The following FSTL5 variants were observed in gnomAD, a reference collection of about 807,000 sequenced individuals.
FSTL5 encodes follistatin like 5.
A neutral mutation model predicts 89.1 loss-of-function variants in FSTL5; 62 were observed. The observed-to-expected ratio is 0.70, with a 90% confidence interval of 0.57 to 0.86. The LOEUF (loss-of-function observed/expected upper bound fraction) is 0.86. FSTL5 is among the 40% of genes least tolerant of loss of function. The pLI, the probability that FSTL5 is intolerant of heterozygous loss-of-function variation, is 0.00. For missense variants in FSTL5, 1,057 were observed against 1,001.6 expected, an observed-to-expected ratio of 1.06 and a Z score of -0.75; for synonymous variants, 383 against 346.2, an observed-to-expected ratio of 1.11 and a Z score of -1.18.
intron 1 of FSTL5, among the ~76,000 whole-genome samples, chr4:162,145,359 A>G (rs1732932263): frequency 6.6e-6 from 1 of 152,112 alleles, no homozygotes; most frequent in South Asian, 2.1e-4. Flanking sequence ...TCTATTTTCA[A>G]AATATCTATA....
chr4:161,557,967 C>T (rs1224108832), intron 8 of FSTL5, among the ~76,000 whole-genome samples: 2 of 151,618 alleles, frequency 1.3e-5, no homozygotes, highest in African/African-American at 4.8e-5. Context: ...GAGAATGTGT[C>T]CTTAGGAGAT....
chr4:162,030,779 T>C (rs999154771), intron 3 of FSTL5, among the ~76,000 whole-genome samples: 12 of 152,192 alleles, frequency 7.9e-5, no homozygotes, highest in Admixed American at 3.3e-4. Flanking sequence ...AAACCAATAA[T>C]TACTGAAATC....
chr4:161,998,857 AACACACACACACACAC>A (rs10585971), intron 3 of FSTL5, among the ~76,000 whole-genome samples: 12 of 146,474 alleles, frequency 8.2e-5, no homozygotes, highest in Admixed American at 1.4e-4. Context: ...ACACACACAC[AACACACACACACACAC>A]ACACACACAC....
At chr4:161,998,339 T>C (rs531569371) in intron 3 of FSTL5, among the ~76,000 whole-genome samples, 1 of 152,192 alleles carries the variant, frequency 6.6e-6, no homozygotes, top group East Asian at 1.9e-4. Flanking sequence ...CCCTTTGAAA[T>C]ATAACCATCA....
chr4:162,136,988 C>A (rs1237994879), intron 1 of FSTL5, among the ~76,000 whole-genome samples: 1 of 151,958 alleles, frequency 6.6e-6, no homozygotes, highest in Non-Finnish European at 1.5e-5. Flanking sequence ...TTGAAACAGG[C>A]TGTTATAAAT....
At position 161,423,506 on chromosome 4, in the gene FSTL5, T is replaced by C. The variant is rs529134139; in HGVS notation, c.1841+31498A>G. 8.5e-5 allele frequency among the ~76,000 whole-genome samples: 13 copies of C among 152,324 alleles called. No individual in the cohort carries two copies. In the South Asian group the frequency reaches 2.5e-3, roughly 29 times the overall value. ...TGGAATAATTCTCTGATAATTCTCT[T>C]ATGCATTCCAGTTTTCTTCATATCT... On this transcript the variant is annotated intron_variant, in intron 15 of 15. Transcript: ENST00000306100.
intron 4 of FSTL5, among the ~76,000 whole-genome samples, chr4:161,864,923 T>G (rs2126893965): frequency 6.6e-6 from 1 of 151,034 alleles, no homozygotes; most frequent in African/African-American, 2.4e-5. Context: ...AGTGCAATTC[T>G]GACTGTATTA....
At chr4:161,990,718 G>A (rs1334336030) in intron 3 of FSTL5, among the ~76,000 whole-genome samples, 2 of 151,974 alleles carry the variant, frequency 1.3e-5, no homozygotes, top group Admixed American at 6.6e-5. Context: ...GTATAATCTT[G>A]GTGGTTTTCG....
At chr4:162,023,042 C>T (rs2111163127) in intron 3 of FSTL5, 1 of 152,180 alleles carries the variant, frequency 6.6e-6, no homozygotes, top group South Asian at 2.1e-4. Context: ...GAAATCTGTG[C>T]CTGTAACGAA....
At chr4:162,116,314 T>C (rs1731634124) in intron 1 of FSTL5, among the ~76,000 whole-genome samples, 1 of 152,230 alleles carries the variant, frequency 6.6e-6, no homozygotes, top group Non-Finnish European at 1.5e-5. Context: ...TGAAGTAACG[T>C]GTGCCAAGGC....
At chr4:161,961,136 G>T (rs1296401686) in intron 3 of FSTL5, among the ~76,000 whole-genome samples, 3 of 151,868 alleles carry the variant, frequency 2.0e-5, no homozygotes, top group Non-Finnish European at 2.9e-5. Context: ...TTTTTAAAGA[G>T]ATGAGGGCTT....
chr4:161,652,303 C>T (rs1736369233), intron 7 of FSTL5, among the ~76,000 whole-genome samples: 1 of 152,074 alleles, frequency 6.6e-6, no homozygotes, highest in African/African-American at 2.4e-5. Context: ...GGTGCGGTGG[C>T]TCACATCTGT....
At chr4:161,768,751 A>C (rs927384203) in intron 5 of FSTL5, among the ~76,000 whole-genome samples, 1 of 151,858 alleles carries the variant, frequency 6.6e-6, no homozygotes, top group African/African-American at 2.4e-5. Context: ...TAAATAAACA[A>C]CCTAATAAAG....
chr4:161,403,193 C>T (rs1001520915), intron 15 of FSTL5, among the ~76,000 whole-genome samples: 2 of 152,142 alleles, frequency 1.3e-5, no homozygotes, highest in African/African-American at 4.8e-5. Context: ...AATACTTGAA[C>T]ACCATAAAAA....
At chr4:161,981,683 T>C (rs1264716055) in intron 3 of FSTL5, among the ~76,000 whole-genome samples, 1 of 152,234 alleles carries the variant, frequency 6.6e-6, no homozygotes, top group East Asian at 1.9e-4. Flanking sequence ...GTAGGTACTT[T>C]TTAAATGTAC....
rs748092347 is a variant in FSTL5, at chr4:161,386,291, G to T, written c.2000C>A (p.Pro667His). The T allele has an allele frequency of 6.8e-6, 11 of 1,613,988 alleles. No individual in the cohort carries two copies. Among genetic ancestry groups the T allele is most frequent in the Non-Finnish European group, 9.3e-6 (11 of 1,179,954 alleles). The change falls in exon 16 of 16, where the codon CCT becomes CAT. Residue 667 changes from proline (P) to histidine (H), a missense_variant. Pro to His is a moderately conservative substitution (Grantham distance 77). Coordinates refer to ENST00000306100, the MANE Select transcript of FSTL5 (RefSeq NM_020116.5). Reference sequence around the variant, plus strand: ...TGGGGAAACTGCTCCGGTGCTGTCAGGTTTGCAGCCAATGAAGTAGTAGCC... The same window carrying T: ...TGGGGAAACTGCTCCGGTGCTGTCATGTTTGCAGCCAATGAAGTAGTAGCC... ...LGGYYFIGCKPDSTGAVSPQV... is the reference protein window; with the variant it reads ...LGGYYFIGCKHDSTGAVSPQV...
intron 4 of FSTL5, among the ~76,000 whole-genome samples, chr4:161,836,368 T>C (rs1025766262): frequency 6.7e-6 from 1 of 150,018 alleles, no homozygotes; most frequent in East Asian, 2.0e-4. Flanking sequence ...GACGAGTTAA[T>C]GGGTGCAGCA....
intron 7 of FSTL5, among the ~76,000 whole-genome samples, chr4:161,622,105 ACACT>A (rs2126647174): frequency 6.6e-6 from 1 of 152,300 alleles, no homozygotes; most frequent in Non-Finnish European, 1.5e-5. Context: ...CATGGTATAA[ACACT>A]CAGATCAATA....
At chr4:161,599,473 A>C (rs1043681182) in intron 7 of FSTL5, among the ~76,000 whole-genome samples, 3 of 152,170 alleles carry the variant, frequency 2.0e-5, no homozygotes, top group Non-Finnish European at 2.9e-5. Flanking sequence ...ATTTTTAATA[A>C]TACAATTCTG....
Sources: gnomAD v4.1 joint callset for allele counts (sites outside exome capture counted in the v4.1 genomes callset) on GRCh38, gnomAD v4.1.1 for gene constraint, MANE v1.5 for transcripts, NCBI Gene and HGNC (gene_info 2026-07-23, HGNC 2026-07-21) for gene names.